Variants in CRISPLD1 observed in about 807,000 individuals in gnomAD.
CRISPLD1 encodes cysteine-rich secretory protein LCCL domain-containing 1.
In CRISPLD1, 60 loss-of-function variants were observed where a neutral mutation model predicts 77.5. That is an observed-to-expected ratio of 0.77 (90% CI 0.63 to 0.96). The LOEUF is 0.96. Ranked by LOEUF, CRISPLD1 falls within the 40% of genes least tolerant of loss-of-function variation. The probability of loss-of-function intolerance (pLI) is 0.00; values close to 1 mark genes in which losing one functional copy is unlikely to be tolerated. For missense variants in CRISPLD1, 623 were observed against 615.8 expected, an observed-to-expected ratio of 1.01 and a Z score of -0.12; for synonymous variants, 195 against 200.1, an observed-to-expected ratio of 0.97 and a Z score of 0.22.
chr8:75,032,223 G>C lies in CRISPLD1; in HGVS notation c.1484G>C (p.Arg495Thr). Reference protein sequence around the residue: ...LQNPPGGKAFRVFAVV With the variant: ...LQNPPGGKAFTVFAVV ...AATCCTCCAGGAGGAAAGGCATTCA[G>C]AGTGTTTGCTGTTGTGTGAAACTGA... is the stretch of plus-strand genomic sequence containing the variant. The change falls in exon 15 of 15, where the codon AGA becomes ACA. Residue 495 changes from arginine (R) to threonine (T), a missense_variant. Arg to Thr is a moderately conservative substitution (Grantham distance 71). Transcript: ENST00000262207. 6.2e-7 allele frequency: 1 copy of C among 1,608,250 alleles called. No homozygotes were observed. The highest frequency in any genetic ancestry group is 8.5e-7 in the Non-Finnish European group (1 of 1,176,746).
At position 75,034,053 on chromosome 8, in the gene CRISPLD1, G is replaced by T. The variant is rs1813403026; in HGVS notation, c.*1811G>T. ...TCCATCATCAATTCCACTTACTATT[G>T]TAATACCTTCAGCTGGAGCCTGTGT... is the stretch of plus-strand genomic sequence containing the variant. On this transcript the variant is annotated 3_prime_UTR_variant, in exon 15 of 15. Coordinates refer to ENST00000262207, the MANE Select transcript of CRISPLD1 (RefSeq NM_031461.6). 1.3e-5 allele frequency: 2 copies of T among 151,860 alleles called. No individual in the cohort carries two copies. The highest frequency in any genetic ancestry group is 2.4e-5 in the African/African-American group (1 of 41,364). The allele number at this position is 151,860 out of a possible 1,614,324, so 9.4% of individuals were successfully genotyped here.
At chr8:75,031,098 CTCAG>C (rs1330493208) in intron 14 of CRISPLD1, among the ~76,000 whole-genome samples, 2 of 152,028 alleles carry the variant, frequency 1.3e-5, no homozygotes, top group African/African-American at 4.8e-5. Context: ...TCCTAAGGCA[CTCAG>C]TCAGTTTGTT....
At chr8:75,001,747 T>A (rs910291266) in intron 2 of CRISPLD1, among the ~76,000 whole-genome samples, 2 of 152,170 alleles carry the variant, frequency 1.3e-5, no homozygotes, top group Admixed American at 6.5e-5. Context: ...ATATTTAGGC[T>A]TGGTCAGATT....
intron 2 of CRISPLD1, among the ~76,000 whole-genome samples, chr8:74,992,656 T>A (rs1371749866): frequency 6.6e-6 from 1 of 152,138 alleles, no homozygotes; most frequent in Non-Finnish European, 1.5e-5. Context: ...ACTGGGGGGT[T>A]GATTGCTATG....
Position 74,986,204 on chromosome 8 carries a change from C to G in CRISPLD1, c.217C>G (p.Arg73Gly). The change falls in exon 2 of 15, where the codon CGA becomes GGA. Residue 73 changes from arginine to glycine, a missense_variant. By Grantham distance (125) the Arg-to-Gly change is moderately radical. Transcript: ENST00000262207. Reference protein sequence around the residue: ...QSILDLHNKLRSQVYPTASNM... With the variant: ...QSILDLHNKLGSQVYPTASNM... ...TATTTTGGACCTTCATAATAAATTA[C>G]GAAGTCAGGTGTATCCAACAGCCTC... The G allele has an allele frequency of 6.2e-7, 1 of 1,613,866 alleles. No individual in the cohort carries two copies. Among genetic ancestry groups the G allele is most frequent in the Non-Finnish European group, 8.5e-7 (1 of 1,179,788 alleles).
intron 13 of CRISPLD1, chr8:75,026,634 A>G (rs181607628): frequency 1.3e-5 from 2 of 152,352 alleles, no homozygotes; most frequent in Non-Finnish European, 2.9e-5. Flanking sequence ...CTTAGAAACC[A>G]TTACAGATTT....
rs563222488 is a variant in CRISPLD1, at chr8:75,033,190, A to T, written c.*948A>T. The stretch of plus-strand genomic sequence containing the variant: ...TCTATGAAAAATGTATTGTGCTTTG[A>T]TACTAAAAATCTGTAAAATGTTAGT... On this transcript the variant is annotated 3_prime_UTR_variant, in exon 15 of 15. Transcript: ENST00000262207. 5.2e-5 allele frequency: 8 copies of T among 152,436 alleles called. No individual in the cohort carries two copies. In the South Asian group the frequency reaches 1.7e-3, roughly 32 times the overall value. The allele number at this position is 152,436 out of a possible 1,614,324, so 9.4% of individuals were successfully genotyped here.
intron 10 of CRISPLD1, among the ~76,000 whole-genome samples, chr8:75,018,124 T>G (rs1372791103): frequency 6.6e-6 from 1 of 152,174 alleles, no homozygotes; most frequent in Non-Finnish European, 1.5e-5. Flanking sequence ...ACAGAACTCC[T>G]TTTCTTAGGA....
intron 2 of CRISPLD1, among the ~76,000 whole-genome samples, chr8:75,000,659 G>T (rs796908532): frequency 3.0e-4 from 46 of 152,134 alleles, no homozygotes; most frequent in African/African-American, 7.7e-4. Context: ...GGTGCCCCCA[G>T]ACTCAGTTCT....
At chr8:75,003,340 G>T (rs1482769302) in intron 2 of CRISPLD1, among the ~76,000 whole-genome samples, 1 of 152,080 alleles carries the variant, frequency 6.6e-6, no homozygotes, top group East Asian at 1.9e-4. Context: ...TGTCCAAGAA[G>T]TTTTTCACTT....
chr8:75,029,278 C>G (rs1441878522), intron 13 of CRISPLD1, 109 bp from the exon 14 acceptor site: 45 of 1,090,074 alleles, frequency 4.1e-5, no homozygotes, highest in Middle Eastern at 2.1e-4. Flanking sequence ...CACTGGCTAT[C>G]CATGACATCA....
intron 2 of CRISPLD1, among the ~76,000 whole-genome samples, chr8:74,991,748 T>C (rs1812576332): frequency 6.6e-6 from 1 of 152,146 alleles, no homozygotes; most frequent in African/African-American, 2.4e-5. Context: ...TAGGCTGGTC[T>C]CGAACTCCTC....
intron 2 of CRISPLD1, among the ~76,000 whole-genome samples, chr8:74,996,054 AT>A (rs1563608204): frequency 4.7e-5 from 7 of 150,042 alleles, no homozygotes; most frequent in African/African-American, 1.5e-4. Flanking sequence ...ATATATATAT[AT>A]AAATACGCAT....
At chr8:75,001,700 C>G (rs1243500584) in intron 2 of CRISPLD1, among the ~76,000 whole-genome samples, 2 of 152,198 alleles carry the variant, frequency 1.3e-5, no homozygotes, top group East Asian at 3.9e-4. Context: ...ATGGCAGTCA[C>G]AATCTGTGTG....
At chr8:74,997,547 A>G (rs1320792486) in intron 2 of CRISPLD1, among the ~76,000 whole-genome samples, 1 of 152,174 alleles carries the variant, frequency 6.6e-6, no homozygotes, top group East Asian at 1.9e-4. Context: ...TATGGAAATA[A>G]TGTAGCTATT....
At chr8:75,032,062 C>T in intron 14 of CRISPLD1, 129 bp from the exon 15 acceptor site, 1 of 594,894 alleles carries the variant, frequency 1.7e-6, no homozygotes, top group Non-Finnish European at 3.0e-6. Context: ...ATTATAGTAG[C>T]CTAAGAAAGT....
chr8:75,023,437 C>A (rs567350483), intron 12 of CRISPLD1, among the ~76,000 whole-genome samples: 21 of 152,108 alleles, frequency 1.4e-4, no homozygotes, highest in Middle Eastern at 3.2e-3. Flanking sequence ...AACAATCAAG[C>A]CTTTAATTCA....
In CRISPLD1 at chr8:75,014,815, A is replaced by G. The variant is rs553674051; in HGVS notation, c.630A>G (p.Gly210=). 6.3e-7 allele frequency: 1 copy of G among 1,599,974 alleles called. No individual in the cohort carries two copies. The highest frequency in any genetic ancestry group is 1.4e-5 in the African/African-American group (1 of 73,706). The change falls in exon 6 of 15, where the codon GGA becomes GGG. Residue 210 remains glycine (G), a synonymous_variant. Transcript: ENST00000262207. ...TAGAGCGTATCATCTCTTAAAGGGGAAACTGGTGGGGCCATGCCCCTTACA... is the reference window on the plus strand; with the variant it reads ...TAGAGCGTATCATCTCTTAAAGGGGGAACTGGTGGGGCCATGCCCCTTACA... ...VYLVCNYSPK[G]NWWGHAPYKH...
Position 75,012,689 on chromosome 8 carries a change from G to T in CRISPLD1, c.377+138G>T, listed in dbSNP as rs1340265567. ...ACGAAACAAGTAACAAAAAATAAAT[G>T]CCACACCAGAACAATCAGCAGTTTT... On this transcript the variant is annotated intron_variant, in intron 3 of 14. Transcript: ENST00000262207. The T allele has an allele frequency of 6.2e-6, 5 of 812,762 alleles. No individual in the cohort carries two copies. The African/African-American group carries it at 7.0e-5, about 11-fold the overall frequency. The allele number at this position is 812,762 out of a possible 1,614,324, so 50.3% of individuals were successfully genotyped here.
Sources: gnomAD v4.1 joint callset for allele counts (sites outside exome capture counted in the v4.1 genomes callset) on GRCh38, gnomAD v4.1.1 for gene constraint, MANE v1.5 for transcripts, NCBI Gene and HGNC (gene_info 2026-07-23, HGNC 2026-07-21) for gene names.